The following ZNF66 variants were observed in gnomAD, a reference collection of about 807,000 sequenced individuals.
ZNF66 encodes the protein putative zinc finger protein 66.
A neutral mutation model predicts 35.2 loss-of-function variants in ZNF66; 32 were observed. That is an observed-to-expected ratio of 0.91 (90% confidence interval 0.69 to 1.22). The LOEUF is 1.22. ZNF66 is among the 50% of genes most tolerant of loss of function. The probability of loss-of-function intolerance (pLI) is 0.00; values close to 1 mark genes in which losing one functional copy is unlikely to be tolerated. For missense variants in ZNF66, 666 were observed against 543.1 expected (o/e 1.23, Z -2.25); for synonymous variants, 231 against 181.3 (o/e 1.27, Z -2.20).
At chr19:20,803,344 A>T (rs1971468963) in intron 3 of ZNF66, among the ~76,000 whole-genome samples, 2 of 141,692 alleles carry the variant, frequency 1.4e-5, no homozygotes, top group Non-Finnish European at 1.6e-5. Flanking sequence ...ACATGCTTTC[A>T]GTTTCTTATT....
rs2144886387 is a variant in ZNF66, at chr19:20,776,375, C to T, written c.-73C>T. On this transcript the variant is annotated 5_prime_UTR_variant, in exon 1 of 4. Transcript: ENST00000344519. ...TGTCTTCTTCTCCTAGAGGCCCAGC[C>T]TCTGTGGCCCTGTGTCCTGCAGGTA... 6.6e-7 allele frequency: 1 copy of T among 1,521,094 alleles called. No homozygotes were observed. The highest frequency in any genetic ancestry group is 1.4e-5 in the African/African-American group (1 of 73,100). The allele number at this position is 1,521,094 out of a possible 1,614,324, so 94.2% of individuals were successfully genotyped here. A position where few individuals can be genotyped will look rare whatever the true frequency, so the allele number is the denominator to read the frequency against.
rs1971538678 is a variant in ZNF66 at position 20,807,808 on chromosome 19, A to C, written c.*486A>C. On this transcript the variant is annotated 3_prime_UTR_variant, in exon 4 of 4. Transcript: ENST00000344519. ...GACGCAGAAGATGGGTGATTTCTGC[A>C]TTTCCGTCTGATGTACCAGGTTCAT... Among the ~76,000 whole-genome samples, 1 of 152,094 alleles carries C rather than the reference A, an allele frequency of 6.6e-6. No homozygotes were observed. Among genetic ancestry groups the C allele is most frequent in the Admixed American group, 6.5e-5 (1 of 15,272 alleles).
intron 3 of ZNF66, among the ~76,000 whole-genome samples, chr19:20,799,736 C>A (rs1971430592): frequency 6.6e-6 from 1 of 152,116 alleles, no homozygotes. Context: ...TGTGGAAGAT[C>A]ATTTGATCAT....
At chr19:20,789,050 A>G (rs982799489) in intron 1 of ZNF66, among the ~76,000 whole-genome samples, 6 of 151,882 alleles carry the variant, frequency 4.0e-5, no homozygotes, top group Non-Finnish European at 7.4e-5. Context: ...GACTTCATCT[A>G]TTTAAAAAAA....
chr19:20,801,169 ACTATTTT>A (rs138751259), intron 3 of ZNF66, among the ~76,000 whole-genome samples: 14,127 of 152,124 alleles, frequency 0.093, 662 homozygotes, highest in Middle Eastern at 0.11. Context: ...AATTGTGGTT[ACTATTTT>A]CATGGTACAT....
intron 1 of ZNF66, among the ~76,000 whole-genome samples, chr19:20,785,823 A>T (rs1371738238): frequency 6.6e-6 from 1 of 151,698 alleles, no homozygotes; most frequent in African/African-American, 2.4e-5. Flanking sequence ...GTGTAGTGGC[A>T]TGATCTCAGC....
chr19:20,798,157 A>G (rs944412401), intron 3 of ZNF66, among the ~76,000 whole-genome samples: 1 of 152,164 alleles, frequency 6.6e-6, no homozygotes, highest in African/African-American at 2.4e-5. Context: ...TTAGTAATTA[A>G]TATGTATTTC....
chr19:20,793,448 G>A (rs1265882269), intron 2 of ZNF66, among the ~76,000 whole-genome samples: 8 of 148,552 alleles, frequency 5.4e-5, no homozygotes, highest in East Asian at 2.1e-4. Context: ...TCAGCCTCCC[G>A]AGTATGTGGG....
chr19:20,795,224 T>C (rs1023320422), intron 3 of ZNF66, among the ~76,000 whole-genome samples: 4 of 151,950 alleles, frequency 2.6e-5, no homozygotes, highest in African/African-American at 9.7e-5. Flanking sequence ...CTTCCATCAC[T>C]ACATTCAAAT....
intron 1 of ZNF66, among the ~76,000 whole-genome samples, chr19:20,786,276 A>G (rs1035861760): frequency 7.2e-5 from 11 of 152,180 alleles, no homozygotes; most frequent in African/African-American, 1.7e-4. Flanking sequence ...AGAGTTCTCT[A>G]CAATCACTTC....
intron 1 of ZNF66, among the ~76,000 whole-genome samples, chr19:20,779,564 C>A (rs1971226564): frequency 6.6e-6 from 1 of 151,878 alleles, no homozygotes; most frequent in African/African-American, 2.4e-5. Flanking sequence ...CCCAGTGGCT[C>A]ATGCCTGTGA....
At position 20,806,848 on chromosome 19, in the gene ZNF66, G is replaced by T; in HGVS notation, c.1248G>T (p.Lys416Asn). 1 of 1,356,300 alleles carries T rather than the reference G, an allele frequency of 7.4e-7. No homozygotes were observed. Among genetic ancestry groups the T allele is most frequent in the East Asian group, 2.3e-5 (1 of 43,630 alleles). 84.0% of individuals were successfully genotyped at this position (1,356,300 alleles called of 1,614,324 possible). A position where few individuals can be genotyped will look rare whatever the true frequency, so the allele number is the denominator to read the frequency against. Residue 416 changes from lysine (K) to asparagine (N), a missense_variant, in exon 4 of 4, where the codon AAG becomes AAT. By Grantham distance (94) the Lys-to-Asn change is moderately conservative (BLOSUM62 0). Coordinates refer to ENST00000344519, the MANE Select transcript of ZNF66 (RefSeq NM_001355197.2). Reference protein sequence around the residue: ...FKHSSPLSKHKRIHTGEKPYK... With the variant: ...FKHSSPLSKHNRIHTGEKPYK... ...ACTCCTCTCCCCTTTCTAAACATAA[G>T]AGAATTCATACTGGAGAGAAACCCT...
chr19:20,801,008 TATACAC>T (rs1306228511), intron 3 of ZNF66, among the ~76,000 whole-genome samples: 1 of 151,972 alleles, frequency 6.6e-6, no homozygotes, highest in East Asian at 1.9e-4. Context: ...CCTGATGTTA[TATACAC>T]ATATACATAT....
chr19:20,791,532 C>CATTT (rs1036510372), intron 1 of ZNF66, among the ~76,000 whole-genome samples: 2 of 146,498 alleles, frequency 1.4e-5, no homozygotes, highest in Admixed American at 1.4e-4. Context: ...AATGTGATGG[C>CATTT]ATTTATTACC....
chr19:20,789,523 C>T (rs1404628609), intron 1 of ZNF66, among the ~76,000 whole-genome samples: 1 of 152,168 alleles, frequency 6.6e-6, no homozygotes, highest in Non-Finnish European at 1.5e-5. Context: ...TATTTAGACA[C>T]TTGTTTTCTA....
At position 20,807,388 on chromosome 19, in the gene ZNF66, A is replaced by C. The variant is rs1372901616; in HGVS notation, c.*66A>C. On this transcript the variant is annotated 3_prime_UTR_variant, in exon 4 of 4. Coordinates refer to ENST00000344519, the MANE Select transcript of ZNF66 (RefSeq NM_001355197.2). ...GGAGAGAAACCCTATGAGTTTGATG[A>C]ATGTGGGAAAGACTTTAACCAGCTA... 3 of 564,784 alleles carry C rather than the reference A, an allele frequency of 5.3e-6. No individual in the cohort carries two copies. In the African/African-American group the frequency reaches 5.6e-5, roughly 11 times the overall value. The allele number at this position is 564,784 out of a possible 1,614,324, so 35.0% of individuals were successfully genotyped here. A position where few individuals can be genotyped will look rare whatever the true frequency, so the allele number is the denominator to read the frequency against.
chr19:20,806,761 T>C lies in ZNF66; in HGVS notation c.1161T>C (p.His387=). The C allele has an allele frequency of 7.5e-7, 1 of 1,336,340 alleles. No homozygotes were observed. The highest frequency in any genetic ancestry group is 1.1e-6 in the Non-Finnish European group (1 of 930,142). 82.8% of individuals were successfully genotyped at this position (1,336,340 alleles called of 1,614,324 possible). A position where few individuals can be genotyped will look rare whatever the true frequency, so the allele number is the denominator to read the frequency against. The change falls in exon 4 of 4, where the codon CAT becomes CAC. Residue 387 remains histidine (H), a synonymous_variant. Transcript: ENST00000344519. The part of the protein sequence containing the change: ...AFKYSCSLTA[H]KIIHTGKKPY... ...AGTACTCCTGTTCCCTTACTGCACA[T>C]AAGATAATTCATACTGGAAAGAAAC...
chr19:20,789,161 G>GA (rs1181671672), intron 1 of ZNF66, among the ~76,000 whole-genome samples: 3 of 152,084 alleles, frequency 2.0e-5, no homozygotes, highest in Non-Finnish European at 4.4e-5. Context: ...TAAAATTACA[G>GA]AAATTCTGGG....
intron 3 of ZNF66, among the ~76,000 whole-genome samples, chr19:20,796,310 T>C (rs1263314168): frequency 6.6e-6 from 1 of 152,180 alleles, no homozygotes; most frequent in African/African-American, 2.4e-5. Flanking sequence ...CATTTTTACT[T>C]TCTATTTTCT....
Sources: gnomAD v4.1 joint callset for allele counts (sites outside exome capture counted in the v4.1 genomes callset) on GRCh38, gnomAD v4.1.1 for gene constraint, MANE v1.5 for transcripts, NCBI Gene and HGNC (gene_info 2026-07-23, HGNC 2026-07-21) for gene names.